ZNF124: variants seen among roughly 807,000 people sequenced by gnomAD.
ZNF124 encodes zinc finger protein 124.
A neutral mutation model predicts 26.6 loss-of-function variants in ZNF124; 25 were observed. The observed-to-expected ratio is 0.94, with a 90% CI of 0.68 to 1.31. The LOEUF (loss-of-function observed/expected upper bound fraction) is 1.31. Ranked by LOEUF, ZNF124 falls within the 40% of genes most tolerant of loss-of-function variation. The pLI is 0.00. For synonymous variants in ZNF124, 129 were observed against 133.3 expected, an observed-to-expected ratio of 0.97 and a Z score of 0.22; for missense variants, 444 against 422.2, an observed-to-expected ratio of 1.05 and a Z score of -0.45.
chr1:247,157,427 G>C (rs1473495452), intron 3 of ZNF124, 24 bp from the exon 4 acceptor site: 3 of 1,548,828 alleles, frequency 1.9e-6, no homozygotes, highest in Non-Finnish European at 2.6e-6. Context: ...AATGACGTAT[G>C]AAGAATTTTT....
chr1:247,168,562 T>G lies in ZNF124; in HGVS notation c.30+3286A>C, dbSNP rs754785466. 6.6e-6 allele frequency among the ~76,000 whole-genome samples: 1 copy of G among 152,042 alleles called. No homozygotes were observed. Among genetic ancestry groups the G allele is most frequent in the Non-Finnish European group, 1.5e-5 (1 of 68,006 alleles). On this transcript the variant is annotated intron_variant, in intron 1 of 3. Transcript: ENST00000543802. The surrounding 1 kb of genome is among the most constrained non-coding windows in gnomAD (Gnocchi z 4.0). ...TAAAAAACAAACAAACAAAAACACT[T>G]GCACACGCATGTTAACAGTAGCACA...
At chr1:247,153,387 A>G (rs750478080), downstream of ZNF124, among the ~76,000 whole-genome samples, 8 of 152,164 alleles carry the variant, frequency 5.3e-5, no homozygotes, top group Non-Finnish European at 1.2e-4. Flanking sequence ...AGGGTAAGTC[A>G]TTTGTCTAAA....
intron 3 of ZNF124, among the ~76,000 whole-genome samples, chr1:247,128,396 G>A (rs1385635149): frequency 2.0e-5 from 3 of 148,448 alleles, no homozygotes; most frequent in African/African-American, 7.6e-5. Flanking sequence ...GTTCAAAACT[G>A]TTTGAGGATG....
chr1:247,157,422 C>T lies in ZNF124; in HGVS notation c.219-19G>A, dbSNP rs756597299. The T allele has an allele frequency of 7.1e-6, 11 of 1,549,582 alleles. No individual in the cohort carries two copies. The highest frequency in any genetic ancestry group is 2.7e-5 in the African/African-American group (2 of 72,950). ...GATGTGCCTATGAAGGGATGAATGA[C>T]GTATGAAGAATTTTTCACACACAAT... On this transcript the variant is annotated intron_variant, in intron 3 of 3. Transcript: ENST00000543802.
chr1:247,144,622 A>G (rs753606054), intron 3 of ZNF124, among the ~76,000 whole-genome samples: 4 of 152,036 alleles, frequency 2.6e-5, no homozygotes, highest in Non-Finnish European at 5.9e-5. Context: ...ATCCTAACCC[A>G]AGGAGGACTG....
At chr1:247,136,909 C>T (rs193298706) in intron 3 of ZNF124, among the ~76,000 whole-genome samples, 60 of 151,054 alleles carry the variant, frequency 4.0e-4, no homozygotes, top group African/African-American at 1.3e-3. Flanking sequence ...ATCATGCCAC[C>T]GCACTCTAGC....
chr1:247,158,715 C>T lies in ZNF124; in HGVS notation c.218+291G>A, dbSNP rs111429527. Reference sequence around the variant, plus strand: ...CACAACCTCAGCTCATTGCAACCTCCGCCTCCCAGGTTCAAGCAATTCTCC... The same window carrying T: ...CACAACCTCAGCTCATTGCAACCTCTGCCTCCCAGGTTCAAGCAATTCTCC... On this transcript the variant is annotated intron_variant, in intron 3 of 3. Coordinates refer to ENST00000543802, the MANE Select transcript of ZNF124 (RefSeq NM_001297568.2). 2.6e-4 allele frequency among the ~76,000 whole-genome samples: 40 copies of T among 152,062 alleles called. No homozygotes were observed. The East Asian group carries it at 3.5e-3, about 13-fold the overall frequency.
At chr1:247,160,176 G>C (rs1182038650) in intron 1 of ZNF124, among the ~76,000 whole-genome samples, 2 of 152,060 alleles carry the variant, frequency 1.3e-5, no homozygotes, top group Non-Finnish European at 2.9e-5. Flanking sequence ...AGTAGAGACA[G>C]GATTTCACCA....
intron 3 of ZNF124, among the ~76,000 whole-genome samples, chr1:247,144,070 C>T (rs138550606): frequency 6.6e-6 from 1 of 152,212 alleles, no homozygotes; most frequent in East Asian, 1.9e-4. Context: ...CAATACTAAC[C>T]CTGTCCTTTC....
chr1:247,141,173 G>T (rs1311628584), intron 3 of ZNF124, among the ~76,000 whole-genome samples: 1 of 152,148 alleles, frequency 6.6e-6, no homozygotes, highest in Non-Finnish European at 1.5e-5. Flanking sequence ...AGGGGGAGTG[G>T]GTGGAACCTG....
At chr1:247,152,340 G>A (rs1672970653), downstream of ZNF124, among the ~76,000 whole-genome samples, 1 of 149,956 alleles carries the variant, frequency 6.7e-6, no homozygotes. Context: ...AACTATATAT[G>A]TAATTATATA....
At chr1:247,133,804 C>T (rs1378667449) in intron 3 of ZNF124, among the ~76,000 whole-genome samples, 2 of 151,922 alleles carry the variant, frequency 1.3e-5, no homozygotes, top group Admixed American at 6.6e-5. Context: ...CAGGCATGCA[C>T]CACCATGCCC....
downstream of ZNF124, among the ~76,000 whole-genome samples, chr1:247,152,098 C>G (rs1169007921): frequency 4.0e-5 from 6 of 149,106 alleles, no homozygotes; most frequent in Non-Finnish European, 5.9e-5. Context: ...CAAAACTGTC[C>G]CCAATATTTA....
In ZNF124 at chr1:247,149,640, C is replaced by T. The variant is rs553994535; in HGVS notation, c.218+9366G>A. ...AGATGGAGCTTAAAAACATTGAACTCGTAGAAACAGACTACATAGTGGTTT... is the reference window on the plus strand; with the variant it reads ...AGATGGAGCTTAAAAACATTGAACTTGTAGAAACAGACTACATAGTGGTTT... On this transcript the variant is annotated intron_variant, in intron 3 of 3. Coordinates refer to the ZNF124 transcript ENST00000472531. Among the ~76,000 whole-genome samples, 18 of 152,278 alleles carry T rather than the reference C, an allele frequency of 1.2e-4. 1 individual carries two copies. Among genetic ancestry groups the T allele is most frequent in the Middle Eastern group, 3.4e-3 (1 of 294 alleles).
chr1:247,133,202 C>T lies in ZNF124; in HGVS notation c.219-9331G>A, dbSNP rs573709075. On this transcript the variant is annotated intron_variant, in intron 3 of 3. Transcript: ENST00000472531. ...ATAAGACATTCAGAAAAGATGAAGACTGCCTTACTGAAATAAGACATGCAG... is the reference window on the plus strand; with the variant it reads ...ATAAGACATTCAGAAAAGATGAAGATTGCCTTACTGAAATAAGACATGCAG... Among the ~76,000 whole-genome samples the T allele has an allele frequency of 7.2e-5, 11 of 151,914 alleles. 1 individual carries two copies. The highest frequency in any genetic ancestry group is 7.2e-4 in the Admixed American group (11 of 15,260).
At chr1:247,131,986 CAG>C (rs1262253364) in intron 3 of ZNF124, among the ~76,000 whole-genome samples, 1 of 152,208 alleles carries the variant, frequency 6.6e-6, no homozygotes, top group Non-Finnish European at 1.5e-5. Context: ...GACCCTCCAA[CAG>C]GGGTTGTCAG....
In ZNF124 at chr1:247,157,088, A is replaced by G. The variant is rs778460847; in HGVS notation, c.534T>C (p.Tyr178=). ...AGGCTTTCCCACATTGCTTACATTC[A>G]TAGCGTTTTTCTCCAGTGTGAATCC... ...HKRIHTGEKR[Y]ECKQCGKAFS... Residue 178 remains tyrosine, a synonymous_variant, in exon 4 of 4, where the codon TAT becomes TAC. Transcript: ENST00000543802. 34 of 1,614,208 alleles carry G rather than the reference A, an allele frequency of 2.1e-5. No individual in the cohort carries two copies. Among genetic ancestry groups the G allele is most frequent in the Non-Finnish European group, 2.1e-5 (25 of 1,180,040 alleles).
chr1:247,148,651 T>TCTCA (rs894484694), intron 3 of ZNF124, among the ~76,000 whole-genome samples: 2 of 152,084 alleles, frequency 1.3e-5, no homozygotes, highest in African/African-American at 4.8e-5. Context: ...AGCTGAGGAA[T>TCTCA]CTCAAGGTTA....
rs550536332 is a variant in ZNF124, at chr1:247,127,809, T to G, written c.219-3938A>C. Among the ~76,000 whole-genome samples, 5 of 150,002 alleles carry G rather than the reference T, an allele frequency of 3.3e-5. No homozygotes were observed. The East Asian group carries it at 9.6e-4, about 29-fold the overall frequency. ...GAATTGCTCACTTGGGGAGCTCGGT[T>G]TTTTGGAGACGTGAGTCTTGCCAAA... On this transcript the variant is annotated intron_variant, in intron 3 of 3. Transcript: ENST00000472531.
Sources: allele counts gnomAD v4.1 joint callset (sites outside exome capture counted in the v4.1 genomes callset), GRCh38; gene constraint gnomAD v4.1.1; non-coding constraint Gnocchi (gnomAD v3.1); transcripts MANE v1.5; gene names NCBI Gene and HGNC (gene_info 2026-07-23, HGNC 2026-07-21).